SLC25A48: variants seen among roughly 807,000 people sequenced by gnomAD.
SLC25A48 encodes solute carrier family 25 member 48, also known as CTC-321K16.1.
In SLC25A48, 29 loss-of-function variants were observed where a neutral mutation model predicts 32.2. The observed-to-expected ratio is 0.90, with a 90% confidence interval of 0.67 to 1.23. The LOEUF (loss-of-function observed/expected upper bound fraction) is 1.23, where lower values mean the gene tolerates loss of function less well. SLC25A48 is among the 50% of genes most tolerant of loss of function. The pLI is 0.00. For missense variants in SLC25A48, 399 were observed against 422.7 expected (o/e 0.94, Z 0.49); for synonymous variants, 164 against 172.3 (o/e 0.95, Z 0.38).
chr5:135,745,726 A>G (rs1036334710), intron 3 of SLC25A48, among the ~76,000 whole-genome samples: 4 of 152,166 alleles, frequency 2.6e-5, no homozygotes, highest in African/African-American at 7.2e-5. Context: ...GCTAAACTCC[A>G]CTAGGGCAGT....
intron 1 of SLC25A48, among the ~76,000 whole-genome samples, chr5:135,581,957 A>C (rs1006153959): frequency 6.6e-6 from 1 of 152,216 alleles, no homozygotes; most frequent in Non-Finnish European, 1.5e-5. Flanking sequence ...GCAGGTGGGC[A>C]TGTGTGAGGC....
intron 4 of SLC25A48, chr5:135,822,159 C>T (rs1023835235): frequency 6.6e-6 from 1 of 152,216 alleles, no homozygotes; most frequent in African/African-American, 2.4e-5. Flanking sequence ...TAGGTAAGCC[C>T]CCCCAACAGA....
Position 135,742,380 on chromosome 5 carries a change from C to A in SLC25A48, c.-520-70143C>A, listed in dbSNP as rs1180047626. 3 of 1,157,058 alleles carry A rather than the reference C, an allele frequency of 2.6e-6. No individual in the cohort carries two copies. In the Admixed American group the frequency reaches 8.5e-5, roughly 33 times the overall value. The allele number at this position is 1,157,058 out of a possible 1,614,324, so 71.7% of individuals were successfully genotyped here. A position where few individuals can be genotyped will look rare whatever the true frequency, so the allele number is the denominator to read the frequency against. ...ACAAGCATGAATCACCACACCTGGC[C>A]TAGGAATCCGTTATTTAATAGCCAT... is the stretch of plus-strand genomic sequence containing the variant. On this transcript the variant is annotated intron_variant, in intron 3 of 10. Coordinates refer to the SLC25A48 transcript ENST00000646290.
intron 3 of SLC25A48, among the ~76,000 whole-genome samples, chr5:135,717,573 GTGTCCTTT>G (rs1754834695): frequency 6.6e-6 from 1 of 152,186 alleles, no homozygotes; most frequent in Non-Finnish European, 1.5e-5. Context: ...CCAATAACTG[GTGTCCTTT>G]TATTAGAGAA....
intron 3 of SLC25A48, among the ~76,000 whole-genome samples, chr5:135,788,819 C>A (rs916222989): frequency 7.4e-5 from 11 of 149,568 alleles, no homozygotes; most frequent in South Asian, 2.1e-4. Flanking sequence ...GGGATGTACA[C>A]CCCCCTCCCT....
At chr5:135,874,569 C>G (rs1761907099) in intron 6 of SLC25A48, 1 of 601,232 alleles carries the variant, frequency 1.7e-6, no homozygotes, top group Admixed American at 2.8e-5. Context: ...CCTTCCTGTC[C>G]TCAGTCAGCT....
intron 3 of SLC25A48, among the ~76,000 whole-genome samples, chr5:135,732,900 C>T (rs138068014): frequency 5.0e-4 from 76 of 152,218 alleles, no homozygotes; most frequent in African/African-American, 1.8e-3. Context: ...TTGTCTTGAG[C>T]GATGGGATCT....
At chr5:135,618,435 GC>G (rs1269557583) in intron 1 of SLC25A48, among the ~76,000 whole-genome samples, 3 of 151,910 alleles carry the variant, frequency 2.0e-5, no homozygotes, top group Non-Finnish European at 4.4e-5. Flanking sequence ...ATATGTGAGG[GC>G]TTATTCCTGT....
At chr5:135,685,431 C>CTT (rs5871571) in intron 3 of SLC25A48, among the ~76,000 whole-genome samples, 2,781 of 129,646 alleles carry the variant, frequency 0.021, 60 homozygotes, top group Middle Eastern at 0.029. Flanking sequence ...GATGTAAGGA[C>CTT]TTTTTTTTTT....
chr5:135,758,465 TATG>T (rs1205986820), intron 3 of SLC25A48, among the ~76,000 whole-genome samples: 21 of 151,084 alleles, frequency 1.4e-4, no homozygotes, highest in South Asian at 8.4e-4. Flanking sequence ...ATATGATCTC[TATG>T]ATATCTTTAC....
chr5:135,792,577 T>C (rs1305141564), intron 3 of SLC25A48, among the ~76,000 whole-genome samples: 3 of 151,736 alleles, frequency 2.0e-5, no homozygotes, highest in Non-Finnish European at 2.9e-5. Context: ...TTTGGAGATA[T>C]TACTCTCCTA....
intron 3 of SLC25A48, among the ~76,000 whole-genome samples, chr5:135,777,614 T>C (rs1482833013): frequency 1.3e-5 from 2 of 150,998 alleles, no homozygotes; most frequent in Non-Finnish European, 3.0e-5. Context: ...ACCGCCCCCT[T>C]GTGATATTGT....
chr5:135,860,409 G>T (rs1166292722), intron 4 of SLC25A48, among the ~76,000 whole-genome samples: 1 of 152,220 alleles, frequency 6.6e-6, no homozygotes, highest in Non-Finnish European at 1.5e-5. Flanking sequence ...AAGCTTCAGT[G>T]TCTGAGAGGC....
intron 1 of SLC25A48, among the ~76,000 whole-genome samples, chr5:135,608,724 G>A (rs1451962032): frequency 6.6e-6 from 1 of 152,196 alleles, no homozygotes; most frequent in Admixed American, 6.5e-5. Context: ...GAAATGGAGG[G>A]TGCCTTCTTC....
At chr5:135,784,397 C>G (rs1472837466) in intron 3 of SLC25A48, among the ~76,000 whole-genome samples, 4 of 118,086 alleles carry the variant, frequency 3.4e-5, no homozygotes, top group African/African-American at 1.0e-4. Flanking sequence ...ATATTACTCC[C>G]AATATCCCAG....
intron 3 of SLC25A48, among the ~76,000 whole-genome samples, chr5:135,852,128 T>C (rs539399562): frequency 5.3e-4 from 81 of 152,268 alleles, no homozygotes; most frequent in Middle Eastern, 3.4e-3. Flanking sequence ...TTCTTCCTTA[T>C]GGTTGCTCCC....
chr5:135,861,975 G>A (rs1464283919), intron 4 of SLC25A48, among the ~76,000 whole-genome samples: 1 of 152,262 alleles, frequency 6.6e-6, no homozygotes, highest in Non-Finnish European at 1.5e-5. Flanking sequence ...GGCAAGCAAG[G>A]AGACATTGGC....
intron 3 of SLC25A48, among the ~76,000 whole-genome samples, chr5:135,795,364 T>G (rs1219877346): frequency 6.6e-6 from 1 of 151,782 alleles, no homozygotes; most frequent in Non-Finnish European, 1.5e-5. Context: ...TAATATCCAT[T>G]GGGGGAGAAA....
intron 3 of SLC25A48, among the ~76,000 whole-genome samples, chr5:135,783,251 T>C (rs1205074041): frequency 0.028 from 2,600 of 93,714 alleles, 29 homozygotes; most frequent in Non-Finnish European, 0.032. Context: ...GAGGCATACA[T>C]ATCCACTGTG....
Sources: allele counts gnomAD v4.1 joint callset (sites outside exome capture counted in the v4.1 genomes callset), GRCh38; gene constraint gnomAD v4.1.1; transcripts MANE v1.5; gene names NCBI Gene and HGNC (gene_info 2026-07-23, HGNC 2026-07-21).